Variants in SMIM13 observed in about 807,000 individuals in gnomAD.
The protein encoded by SMIM13 is UPF0766 protein C6orf228.
SMIM13 carries 3 observed loss-of-function variants against 5.9 expected under a neutral mutation model. The observed-to-expected ratio is 0.51, with a 90% confidence interval of 0.23 to 1.31. The LOEUF is 1.31. SMIM13 is among the 40% of genes most tolerant of loss of function. The pLI is 0.18. For missense variants in SMIM13, 85 were observed against 109.9 expected (o/e 0.77, Z 1.01); for synonymous variants, 55 against 46.0 (o/e 1.19, Z -0.79).
intron 1 of SMIM13, chr6:11,105,157 C>G (rs1422717931): frequency 6.2e-7 from 1 of 1,614,184 alleles, no homozygotes; most frequent in East Asian, 2.2e-5. Flanking sequence ...CCTGGTGTTT[C>G]AGTGGAAGAG....
intron 1 of SMIM13, among the ~76,000 whole-genome samples, chr6:11,107,816 G>A (rs535732395): frequency 2.6e-5 from 4 of 152,308 alleles, no homozygotes; most frequent in Admixed American, 2.6e-4. Context: ...AATAATCCAT[G>A]TTTTTGAAAT....
chr6:11,118,423 G>C (rs1436690082), intron 1 of SMIM13, among the ~76,000 whole-genome samples: 2 of 152,136 alleles, frequency 1.3e-5, no homozygotes, highest in Non-Finnish European at 2.9e-5. Context: ...TTTGGGAGTG[G>C]GGTTGGGACA....
At chr6:11,103,756 T>G in intron 1 of SMIM13, 6 of 1,551,616 alleles carry the variant, frequency 3.9e-6, no homozygotes, top group Non-Finnish European at 5.2e-6. Context: ...GTCTGGAGCT[T>G]TATGGCCTGA....
chr6:11,101,727 A>C (rs2113639960), intron 1 of SMIM13, among the ~76,000 whole-genome samples: 1 of 151,020 alleles, frequency 6.6e-6, no homozygotes, highest in Admixed American at 6.6e-5. Flanking sequence ...AACCTGAAAA[A>C]CATCTTAAGC....
At chr6:11,132,508 A>G (rs1758463681) in intron 1 of SMIM13, among the ~76,000 whole-genome samples, 1 of 152,244 alleles carries the variant, frequency 6.6e-6, no homozygotes, top group African/African-American at 2.4e-5. Flanking sequence ...TAATAGCCAA[A>G]AGTAGAAACT....
intron 1 of SMIM13, among the ~76,000 whole-genome samples, chr6:11,100,204 G>T (rs1757973161): frequency 6.6e-6 from 1 of 152,046 alleles, no homozygotes; most frequent in South Asian, 2.1e-4. Context: ...GGGACTACAG[G>T]TGCCTGCCAC....
intron 1 of SMIM13, among the ~76,000 whole-genome samples, chr6:11,119,123 A>G (rs958414778): frequency 2.0e-5 from 3 of 152,200 alleles, no homozygotes; most frequent in African/African-American, 4.8e-5. Flanking sequence ...TAGCACTGGG[A>G]TAAGATAAAG....
Position 11,136,089 on chromosome 6 carries a change from G to A in SMIM13, c.*1487G>A, listed in dbSNP as rs1010935740. The A allele has an allele frequency of 1.3e-5, 2 of 152,134 alleles. No individual in the cohort carries two copies. The highest frequency in any genetic ancestry group is 4.8e-5 in the African/African-American group (2 of 41,426). 9.4% of individuals were successfully genotyped at this position (152,134 alleles called of 1,614,324 possible). A position where few individuals can be genotyped will look rare whatever the true frequency, so the allele number is the denominator to read the frequency against. On this transcript the variant is annotated 3_prime_UTR_variant, in exon 2 of 2. Coordinates refer to ENST00000416247, the MANE Select transcript of SMIM13 (RefSeq NM_001135575.2). ...AATCTAAGAACTATCTTCTACTTTA[G>A]GAAGAGTGGGATTAGTTACTCCCTT...
chr6:11,127,644 A>T (rs540904778), intron 1 of SMIM13, among the ~76,000 whole-genome samples: 1 of 152,342 alleles, frequency 6.6e-6, no homozygotes, highest in South Asian at 2.1e-4. Context: ...AGGAAGACGC[A>T]AAAGTGGAAA....
intron 1 of SMIM13, among the ~76,000 whole-genome samples, chr6:11,101,095 T>A (rs1427008339): frequency 6.6e-6 from 1 of 151,878 alleles, no homozygotes; most frequent in African/African-American, 2.4e-5. Flanking sequence ...ACCTTTTGGG[T>A]TGATTCTTTA....
At chr6:11,104,204 G>A (rs1189602788) in intron 1 of SMIM13, 13 of 1,551,566 alleles carry the variant, frequency 8.4e-6, no homozygotes, top group African/African-American at 1.4e-5. Context: ...CAGCAATTCC[G>A]GTTCCCGTAC....
chr6:11,110,973 A>G (rs1224738841), intron 1 of SMIM13, among the ~76,000 whole-genome samples: 2 of 152,210 alleles, frequency 1.3e-5, no homozygotes, highest in Admixed American at 1.3e-4. Flanking sequence ...GGAGCATAAC[A>G]GGGATGAAAA....
chr6:11,098,774 A>G (rs1423063496), intron 1 of SMIM13, among the ~76,000 whole-genome samples: 1 of 152,088 alleles, frequency 6.6e-6, no homozygotes, highest in East Asian at 1.9e-4. Context: ...TATTTCCATG[A>G]TGTTCTTCCT....
At chr6:11,113,503 G>A (rs1758196969) in intron 1 of SMIM13, among the ~76,000 whole-genome samples, 2 of 151,998 alleles carry the variant, frequency 1.3e-5, no homozygotes, top group Non-Finnish European at 2.9e-5. Context: ...TCTTTATTCT[G>A]GATACAAGTT....
chr6:11,096,353 G>T (rs1472022977), intron 1 of SMIM13, among the ~76,000 whole-genome samples: 3 of 152,188 alleles, frequency 2.0e-5, no homozygotes, highest in African/African-American at 7.2e-5. Flanking sequence ...GACAGGAGGC[G>T]GAGCTCAGAT....
In SMIM13 at chr6:11,136,339, C is replaced by T. The variant is rs1758517614; in HGVS notation, c.*1737C>T. ...GGAGAAGAGATGTGAATTAAACAACCTTCCTGTTTAGTGTTACCTGCTTTG... is the reference window on the plus strand; with the variant it reads ...GGAGAAGAGATGTGAATTAAACAACTTTCCTGTTTAGTGTTACCTGCTTTG... On this transcript the variant is annotated 3_prime_UTR_variant, in exon 2 of 2. Coordinates refer to ENST00000416247, the MANE Select transcript of SMIM13 (RefSeq NM_001135575.2). 1 of 152,166 alleles carries T rather than the reference C, an allele frequency of 6.6e-6. No individual in the cohort carries two copies. The highest frequency in any genetic ancestry group is 1.5e-5 in the Non-Finnish European group (1 of 68,014). 9.4% of individuals were successfully genotyped at this position (152,166 alleles called of 1,614,324 possible). A position where few individuals can be genotyped will look rare whatever the true frequency, so the allele number is the denominator to read the frequency against.
intron 1 of SMIM13, among the ~76,000 whole-genome samples, chr6:11,121,576 AAC>A (rs755330263): frequency 1.2e-4 from 18 of 151,986 alleles, no homozygotes; most frequent in Non-Finnish European, 2.2e-4. Flanking sequence ...TCCCCCTCCC[AAC>A]ACACACACCT....
At chr6:11,096,404 T>A (rs1757924282) in intron 1 of SMIM13, among the ~76,000 whole-genome samples, 1 of 152,234 alleles carries the variant, frequency 6.6e-6, no homozygotes, top group Admixed American at 6.5e-5. Flanking sequence ...ATCTGTGTGC[T>A]AGGGCTGGAG....
In SMIM13 at chr6:11,094,479, A is replaced by G. The variant is rs1024246446; in HGVS notation, c.76+90A>G. On this transcript the variant is annotated intron_variant, in intron 1 of 1. Transcript: ENST00000416247. ...TTTGTTGTTTGTTTTTTTGAAAAAAACAAAAGGGCGTGGACGGACAATTGT... is the reference window on the plus strand; with the variant it reads ...TTTGTTGTTTGTTTTTTTGAAAAAAGCAAAAGGGCGTGGACGGACAATTGT... The G allele has an allele frequency of 4.7e-6, 5 of 1,057,162 alleles. No individual in the cohort carries two copies. The African/African-American group carries it at 8.0e-5, about 17-fold the overall frequency. 65.5% of individuals were successfully genotyped at this position (1,057,162 alleles called of 1,614,324 possible). A position where few individuals can be genotyped will look rare whatever the true frequency, so the allele number is the denominator to read the frequency against.
Sources: allele counts gnomAD v4.1 joint callset (sites outside exome capture counted in the v4.1 genomes callset), GRCh38; gene constraint gnomAD v4.1.1; transcripts MANE v1.5; gene names NCBI Gene and HGNC (gene_info 2026-07-23, HGNC 2026-07-21).